The following HEATR4 variants were observed in gnomAD, a reference collection of about 807,000 sequenced individuals.
HEATR4 encodes the protein HEAT repeat-containing protein 4.
HEATR4 carries 95 observed loss-of-function variants against 108.8 expected under a neutral mutation model. That is an observed-to-expected ratio of 0.87 (90% confidence interval 0.74 to 1.04). The LOEUF is 1.04. Among genes scored for constraint, HEATR4 ranks in the 50% least tolerant of loss-of-function variants. The probability of loss-of-function intolerance (pLI) is 0.00; values close to 1 mark genes in which losing one functional copy is unlikely to be tolerated. For synonymous variants in HEATR4, 443 were observed against 459.4 expected (o/e 0.96, Z 0.46); for missense variants, 1,152 against 1,253.8 (o/e 0.92, Z 1.23).
chr14:73,495,504 GCC>G, intron 15 of HEATR4, 117 bp from the exon 16 acceptor site: 1 of 806,684 alleles, frequency 1.2e-6, no homozygotes, highest in East Asian at 2.7e-5. Flanking sequence ...GATCACTTGA[GCC>G]CAACAGTTCA....
In HEATR4 at chr14:73,500,750, T is replaced by C; in HGVS notation, c.2106-20A>G. The C allele has an allele frequency of 1.2e-6, 2 of 1,608,254 alleles. No homozygotes were observed. Among genetic ancestry groups the C allele is most frequent in the Non-Finnish European group, 1.7e-6 (2 of 1,175,666 alleles). On this transcript the variant is annotated intron_variant, in intron 11 of 17. Coordinates refer to ENST00000553558, the MANE Select transcript of HEATR4 (RefSeq NM_001220484.1). ...TTGACCCTGTAAGGCACAAGTTGCT[T>C]TCCTTTCACCTCCTTAAACTTTCAG... is the stretch of plus-strand genomic sequence containing the variant.
At chr14:73,559,202 C>T (rs1391528053), upstream of HEATR4, among the ~76,000 whole-genome samples, 7 of 151,730 alleles carry the variant, frequency 4.6e-5, no homozygotes, top group African/African-American at 9.7e-5. Context: ...GGTGCGATCT[C>T]GGCTCACTGC....
At chr14:73,592,039 C>A in the HEATR4 span, 1 of 1,461,028 alleles carries the variant, frequency 6.8e-7, no homozygotes, top group Non-Finnish European at 9.0e-7. Context: ...CGCGGCCTGG[C>A]CCCGGAGCAG....
the HEATR4 span, among the ~76,000 whole-genome samples, chr14:73,596,893 C>A: frequency 5.9e-5 from 9 of 151,966 alleles, no homozygotes; most frequent in Middle Eastern, 3.2e-3. Flanking sequence ...GCCACCGCGC[C>A]CAGCTTACAT....
intron 8 of HEATR4, among the ~76,000 whole-genome samples, 159 bp downstream of exon 8, chr14:73,509,153 G>T (rs1169392375): frequency 6.6e-6 from 1 of 152,016 alleles, no homozygotes; most frequent in East Asian, 1.9e-4. Context: ...AGGTGTGAGC[G>T]ACAGTGTCTG....
intron 9 of HEATR4, among the ~76,000 whole-genome samples, chr14:73,506,810 T>C (rs966853547): frequency 7.5e-6 from 1 of 133,038 alleles, no homozygotes; most frequent in Non-Finnish European, 1.6e-5. Context: ...AACTGTTTTT[T>C]TTTTTTTTTT....
At chr14:73,531,385 G>A (rs1888693557) in intron 1 of HEATR4, among the ~76,000 whole-genome samples, 1 of 109,164 alleles carries the variant, frequency 9.2e-6, no homozygotes, top group Non-Finnish European at 2.0e-5. Context: ...CTTATTTATT[G>A]ATTATTTATT....
the HEATR4 span, chr14:73,596,322 A>G: frequency 1.3e-5 from 2 of 152,130 alleles, no homozygotes; most frequent in Non-Finnish European, 1.5e-5. Context: ...AGCTTAGGCA[A>G]CATGGCAAAA....
upstream of HEATR4, among the ~76,000 whole-genome samples, chr14:73,560,390 G>A (rs1354551745): frequency 1.3e-5 from 2 of 152,086 alleles, no homozygotes; most frequent in Admixed American, 1.3e-4. Flanking sequence ...TGAGCCAGGC[G>A]CTGTGGCTCA....
In HEATR4 at chr14:73,536,246, T is replaced by C. The variant is rs1339972722; in HGVS notation, c.-151-6002A>G. Among the ~76,000 whole-genome samples the C allele has an allele frequency of 1.8e-5, 2 of 109,610 alleles. 1 individual carries two copies. The highest frequency in any genetic ancestry group is 6.0e-5 in the African/African-American group (2 of 33,468). The allele number at this position is 109,610 out of a possible 152,430, so 71.9% of individuals were successfully genotyped here. The stretch of plus-strand genomic sequence containing the variant: ...TTATAGGTTTCTCTAATTACCAAGA[T>C]AGGAAATTATGAAATCAGGTACAAG... On this transcript the variant is annotated intron_variant, in intron 1 of 17. Coordinates refer to ENST00000553558, the MANE Select transcript of HEATR4 (RefSeq NM_001220484.1).
rs574764652 is a variant in HEATR4, at chr14:73,485,940, T to C, written c.2845-7098A>G. Among the ~76,000 whole-genome samples, 63 of 152,242 alleles carry C rather than the reference T, an allele frequency of 4.1e-4. 3 individuals carry two copies. The South Asian group carries it at 0.013, about 31-fold the overall frequency. On this transcript the variant is annotated intron_variant, in intron 17 of 17. Transcript: ENST00000553558. ...TGTTGCTCAGGCTGGTCTGGAACTC[T>C]TGAGTTCAAGCAATCCACCTGCCTC...
intron 17 of HEATR4, among the ~76,000 whole-genome samples, chr14:73,490,501 T>G (rs1885637898): frequency 6.6e-6 from 1 of 152,128 alleles, no homozygotes; most frequent in Non-Finnish European, 1.5e-5. Flanking sequence ...TTTTTCTTTT[T>G]TAGTAGAGAC....
rs778993401 is a variant in HEATR4, at chr14:73,537,467, G to A, written c.-151-7223C>T. 1.6e-6 allele frequency: 2 copies of A among 1,230,086 alleles called. 1 individual carries two copies. Among genetic ancestry groups the A allele is most frequent in the South Asian group, 2.8e-5 (2 of 70,718 alleles). 76.2% of individuals were successfully genotyped at this position (1,230,086 alleles called of 1,614,324 possible). On this transcript the variant is annotated intron_variant, in intron 1 of 17. Coordinates refer to ENST00000553558, the MANE Select transcript of HEATR4 (RefSeq NM_001220484.1). ...GGAGCCCGCGGGCCGCTGCTGCTGGGACGAACCGGTGCGAATCGCCGTGCG... is the reference window on the plus strand; with the variant it reads ...GGAGCCCGCGGGCCGCTGCTGCTGGAACGAACCGGTGCGAATCGCCGTGCG...
At chr14:73,573,072 T>C in the HEATR4 span, among the ~76,000 whole-genome samples, 1 of 151,766 alleles carries the variant, frequency 6.6e-6, no homozygotes, top group South Asian at 2.1e-4. Context: ...AAGTGCATTC[T>C]GTTGAGTGCA....
the HEATR4 span, chr14:73,592,442 G>A: frequency 6.8e-7 from 1 of 1,477,814 alleles, no homozygotes; most frequent in Non-Finnish European, 8.9e-7. Context: ...GGCGGGTGGT[G>A]TGAGCGTCAG....
rs565732664 is a variant in HEATR4, at chr14:73,504,963, G to A, written c.1986+1504C>T. Among the ~76,000 whole-genome samples the A allele has an allele frequency of 1.7e-3, 262 of 151,688 alleles. 1 individual carries two copies. The highest frequency in any genetic ancestry group is 6.1e-3 in the African/African-American group (251 of 41,374). On this transcript the variant is annotated intron_variant, in intron 10 of 17. Coordinates refer to ENST00000553558, the MANE Select transcript of HEATR4 (RefSeq NM_001220484.1). ...TGTTTTTTTTTTTAGATGGAGTCTC[G>A]CTCTGTCGCCCAGGCTGGAGTGCAG...
At chr14:73,599,946 G>A in the HEATR4 span, among the ~76,000 whole-genome samples, 1 of 152,092 alleles carries the variant, frequency 6.6e-6, no homozygotes, top group Non-Finnish European at 1.5e-5. Flanking sequence ...ATCGCACTCA[G>A]GCTGAAGGTC....
At chr14:73,490,374 G>A (rs890320463) in intron 17 of HEATR4, among the ~76,000 whole-genome samples, 10 of 152,150 alleles carry the variant, frequency 6.6e-5, no homozygotes, top group Admixed American at 1.3e-4. Context: ...GAGTGCAGTG[G>A]CGCCATCTCG....
At chr14:73,625,502 C>G in the HEATR4 span, among the ~76,000 whole-genome samples, 1 of 152,142 alleles carries the variant, frequency 6.6e-6, no homozygotes, top group Non-Finnish European at 1.5e-5. Context: ...GCTGGGATTA[C>G]AGGTGCATGC....
Sources: allele counts gnomAD v4.1 joint callset (sites outside exome capture counted in the v4.1 genomes callset), GRCh38; gene constraint gnomAD v4.1.1; transcripts MANE v1.5; gene names NCBI Gene and HGNC (gene_info 2026-07-23, HGNC 2026-07-21).